CTNNA3: variants seen among roughly 807,000 people sequenced by gnomAD.
CTNNA3 encodes catenin alpha 3.
CTNNA3 carries 76 observed loss-of-function variants against 95.7 expected under a neutral mutation model. The observed-to-expected ratio is 0.79, with a 90% CI of 0.66 to 0.96. The LOEUF (loss-of-function observed/expected upper bound fraction) is 0.96, where lower values mean the gene tolerates loss of function less well. Among genes scored for constraint, CTNNA3 ranks in the 40% least tolerant of loss-of-function variants. CTNNA3 has a pLI of 0.00. For missense variants in CTNNA3, 1,191 were observed against 1,089.8 expected (o/e 1.09, Z -1.31); for synonymous variants, 431 against 374.4 (o/e 1.15, Z -1.74).
chr10:66,663,413 C>T (rs12241930), intron 9 of CTNNA3, among the ~76,000 whole-genome samples: 4,184 of 151,242 alleles, frequency 0.028, 198 homozygotes, highest in African/African-American at 0.096. Context: ...ATGACTTTCT[C>T]ACTTAGTTTC....
chr10:67,128,566 T>C (rs1286298065), intron 7 of CTNNA3, among the ~76,000 whole-genome samples: 1 of 152,108 alleles, frequency 6.6e-6, no homozygotes, highest in Non-Finnish European at 1.5e-5. Context: ...GGTAGAAATA[T>C]TTTCCTTTTG....
intron 11 of CTNNA3, among the ~76,000 whole-genome samples, chr10:66,435,595 GTCTA>G (rs1489592407): frequency 1.3e-5 from 2 of 152,058 alleles, no homozygotes; most frequent in Non-Finnish European, 2.9e-5. Context: ...CTGGCTAGTG[GTCTA>G]TCTGTTTTGT....
At chr10:66,704,973 T>C (rs747159280) in intron 9 of CTNNA3, among the ~76,000 whole-genome samples, 17 of 152,122 alleles carry the variant, frequency 1.1e-4, no homozygotes, top group Non-Finnish European at 1.0e-4. Flanking sequence ...GTGAATATCC[T>C]TGTCTTATTC....
At chr10:66,894,602 A>C (rs1845401649) in intron 7 of CTNNA3, among the ~76,000 whole-genome samples, 1 of 152,088 alleles carries the variant, frequency 6.6e-6, no homozygotes, top group Non-Finnish European at 1.5e-5. Context: ...AAATAATAAA[A>C]CATTTTAGTA....
At chr10:67,456,611 A>C (rs536664403) in intron 5 of CTNNA3, among the ~76,000 whole-genome samples, 1 of 152,310 alleles carries the variant, frequency 6.6e-6, no homozygotes, top group South Asian at 2.1e-4. Context: ...AAATGGTAAT[A>C]TTCTTTCTCT....
intron 15 of CTNNA3, among the ~76,000 whole-genome samples, chr10:66,006,736 C>T (rs1000534166): frequency 6.6e-5 from 10 of 152,082 alleles, no homozygotes; most frequent in African/African-American, 1.7e-4. Flanking sequence ...AGAAAATAAT[C>T]GCATTCAATT....
intron 1 of CTNNA3, among the ~76,000 whole-genome samples, chr10:67,741,817 C>G (rs576302793): frequency 1.3e-5 from 2 of 150,944 alleles, no homozygotes; most frequent in Non-Finnish European, 3.0e-5. Flanking sequence ...GGAAGATCTA[C>G]CAAGCAAATG....
chr10:67,639,757 A>G (rs1839458565), intron 2 of CTNNA3, among the ~76,000 whole-genome samples: 1 of 152,180 alleles, frequency 6.6e-6, no homozygotes, highest in African/African-American at 2.4e-5. Flanking sequence ...GACAAAAACC[A>G]CATGATTATC....
chr10:66,321,788 A>G (rs2092190139), intron 12 of CTNNA3, among the ~76,000 whole-genome samples: 1 of 152,146 alleles, frequency 6.6e-6, no homozygotes, highest in Admixed American at 6.5e-5. Flanking sequence ...CACTGCTACG[A>G]AAAAGCTCCA....
intron 5 of CTNNA3, among the ~76,000 whole-genome samples, chr10:67,324,716 T>C (rs73266258): frequency 0.022 from 3,281 of 151,452 alleles, 111 homozygotes; most frequent in African/African-American, 0.071. Context: ...TTTTTTTTTG[T>C]CTTGCCAGAT....
chr10:66,621,493 G>C (rs141179032), intron 10 of CTNNA3, among the ~76,000 whole-genome samples, 199 bp downstream of exon 10: 1 of 150,888 alleles, frequency 6.6e-6, no homozygotes, highest in Non-Finnish European at 1.5e-5. Context: ...GCATGGTGGC[G>C]CATGCCTGTA....
intron 9 of CTNNA3, among the ~76,000 whole-genome samples, chr10:66,714,682 T>C (rs989445732): frequency 6.6e-6 from 1 of 152,144 alleles, no homozygotes; most frequent in African/African-American, 2.4e-5. Flanking sequence ...ATGCAAACTC[T>C]TGGGTTCCAC....
chr10:66,416,261 C>T (rs1003341958), intron 11 of CTNNA3, among the ~76,000 whole-genome samples: 12 of 131,000 alleles, frequency 9.2e-5, no homozygotes, highest in African/African-American at 3.5e-4. Flanking sequence ...AACCCTCAGA[C>T]ACATTTTTTA....
chr10:67,021,500 T>C (rs1347999145), intron 7 of CTNNA3, among the ~76,000 whole-genome samples: 1 of 151,934 alleles, frequency 6.6e-6, no homozygotes, highest in African/African-American at 2.4e-5. Flanking sequence ...AGTAAAAACA[T>C]TAAAAAATCC....
chr10:67,427,278 T>A (rs1029204013), intron 5 of CTNNA3, among the ~76,000 whole-genome samples: 5 of 152,002 alleles, frequency 3.3e-5, no homozygotes, highest in Admixed American at 1.3e-4. Flanking sequence ...CTGCTTCATA[T>A]ACAACTGTCC....
chr10:67,277,368 G>T (rs912195280), intron 5 of CTNNA3, among the ~76,000 whole-genome samples: 1 of 152,154 alleles, frequency 6.6e-6, no homozygotes, highest in Non-Finnish European at 1.5e-5. Context: ...AAAATAGAGG[G>T]AAAAGAAACC....
intron 7 of CTNNA3, among the ~76,000 whole-genome samples, chr10:67,050,708 C>T (rs569551861): frequency 1.3e-4 from 20 of 152,290 alleles, no homozygotes; most frequent in Non-Finnish European, 2.9e-4. Context: ...TACTGACTTC[C>T]TCTCAGATTG....
intron 9 of CTNNA3, among the ~76,000 whole-genome samples, chr10:66,623,315 G>T (rs1434332037): frequency 6.6e-6 from 1 of 152,032 alleles, no homozygotes; most frequent in Admixed American, 6.5e-5. Flanking sequence ...TTAGAAGAAT[G>T]CTGGTTAACC....
chr10:67,013,606 CA>C (rs1191377678), intron 7 of CTNNA3, among the ~76,000 whole-genome samples: 3 of 152,108 alleles, frequency 2.0e-5, no homozygotes, highest in Non-Finnish European at 4.4e-5. Context: ...GCTATGAGTA[CA>C]GATTACTTCC....
Sources: allele counts gnomAD v4.1 joint callset (sites outside exome capture counted in the v4.1 genomes callset), GRCh38; gene constraint gnomAD v4.1.1; transcripts MANE v1.5; gene names NCBI Gene and HGNC (gene_info 2026-07-23, HGNC 2026-07-21).